GALNT13: variants seen among roughly 807,000 people sequenced by gnomAD.
GALNT13 encodes the protein polypeptide N-acetylgalactosaminyltransferase 13.
A neutral mutation model predicts 64.2 loss-of-function variants in GALNT13; 28 were observed. That is an observed-to-expected ratio of 0.44 (90% CI 0.32 to 0.60). The LOEUF (loss-of-function observed/expected upper bound fraction) is 0.60. Ranked by LOEUF, GALNT13 falls within the 20% of genes least tolerant of loss-of-function variation. GALNT13 has a pLI of 0.05. For missense variants in GALNT13, 577 were observed against 669.8 expected (o/e 0.86, Z 1.53); for synonymous variants, 214 against 224.6 (o/e 0.95, Z 0.42).
intron 4 of GALNT13, among the ~76,000 whole-genome samples, chr2:154,149,782 C>T (rs1335972843): frequency 2.6e-5 from 4 of 152,100 alleles, no homozygotes. Flanking sequence ...GATTTTGTAT[C>T]CTGAGACTTT....
chr2:153,188,767 G>GT, the GALNT13 span, among the ~76,000 whole-genome samples: 5 of 151,916 alleles, frequency 3.3e-5, no homozygotes, highest in African/African-American at 1.2e-4. Flanking sequence ...TGCAATATTT[G>GT]TTTTTTTCTA....
chr2:153,717,649 C>A, the GALNT13 span, among the ~76,000 whole-genome samples: 1 of 152,100 alleles, frequency 6.6e-6, no homozygotes, highest in Non-Finnish European at 1.5e-5. Context: ...TATTTTAATT[C>A]TTTCTAGACT....
intron 3 of GALNT13, among the ~76,000 whole-genome samples, chr2:154,000,352 TG>T (rs1296195654): frequency 6.6e-6 from 1 of 152,030 alleles, no homozygotes; most frequent in Non-Finnish European, 1.5e-5. Flanking sequence ...CTACTAATTT[TG>T]GGCGTACTTT....
chr2:153,494,473 G>T, the GALNT13 span, among the ~76,000 whole-genome samples: 1 of 151,908 alleles, frequency 6.6e-6, no homozygotes, highest in Non-Finnish European at 1.5e-5. Context: ...ATGACCAATT[G>T]ATTTTCAGCA....
chr2:153,971,385 A>G (rs962304776), intron 3 of GALNT13, among the ~76,000 whole-genome samples: 5 of 152,096 alleles, frequency 3.3e-5, no homozygotes, highest in African/African-American at 1.2e-4. Flanking sequence ...TCTCTGCCCA[A>G]TAACAATCCT....
At chr2:154,084,067 C>G (rs1045568865) in intron 3 of GALNT13, among the ~76,000 whole-genome samples, 2 of 151,834 alleles carry the variant, frequency 1.3e-5, no homozygotes, top group African/African-American at 4.8e-5. Context: ...AAATGTACTT[C>G]TCAATTTTTA....
At chr2:153,279,501 A>G in the GALNT13 span, among the ~76,000 whole-genome samples, 15 of 152,278 alleles carry the variant, frequency 9.9e-5, no homozygotes, top group Admixed American at 3.3e-4. Flanking sequence ...TGGGTTTGTC[A>G]TAGATGCTAC....
At chr2:153,177,000 G>A in the GALNT13 span, among the ~76,000 whole-genome samples, 1 of 152,122 alleles carries the variant, frequency 6.6e-6, no homozygotes, top group Non-Finnish European at 1.5e-5. Flanking sequence ...GAATTGCACA[G>A]GAAGTTTCTC....
the GALNT13 span, among the ~76,000 whole-genome samples, chr2:153,537,004 C>T: frequency 1.4e-4 from 21 of 152,242 alleles, no homozygotes; most frequent in Non-Finnish European, 2.6e-4. Context: ...GAAATCACTG[C>T]GAGAACTTCT....
the GALNT13 span, among the ~76,000 whole-genome samples, chr2:153,455,943 A>G: frequency 2.0e-5 from 3 of 152,210 alleles, no homozygotes; most frequent in Admixed American, 2.0e-4. Context: ...AGGGGAGCTG[A>G]GAATGGGACT....
intron 3 of GALNT13, among the ~76,000 whole-genome samples, chr2:154,115,866 G>C (rs1703268837): frequency 6.6e-6 from 1 of 152,066 alleles, no homozygotes; most frequent in African/African-American, 2.4e-5. Context: ...TCCCATGCTT[G>C]TTATCCAGAT....
chr2:154,394,035 G>T (rs1015328706), intron 9 of GALNT13, among the ~76,000 whole-genome samples: 2 of 111,008 alleles, frequency 1.8e-5, no homozygotes, highest in African/African-American at 7.0e-5. Context: ...CCGAGATTGC[G>T]CCACTGCACT....
chr2:153,710,157 TATGTG>T, the GALNT13 span, among the ~76,000 whole-genome samples: 1 of 152,136 alleles, frequency 6.6e-6, no homozygotes, highest in African/African-American at 2.4e-5. Flanking sequence ...AGATGATACG[TATGTG>T]AGGTGATAGA....
At chr2:153,705,124 G>A in the GALNT13 span, among the ~76,000 whole-genome samples, 2 of 152,126 alleles carry the variant, frequency 1.3e-5, no homozygotes, top group African/African-American at 4.8e-5. Context: ...TTGATTTGGT[G>A]CAGAAACTTG....
At chr2:153,120,481 C>T in the GALNT13 span, among the ~76,000 whole-genome samples, 1 of 152,060 alleles carries the variant, frequency 6.6e-6, no homozygotes, top group Non-Finnish European at 1.5e-5. Context: ...TACTTATGAC[C>T]CTCAGGCATT....
chr2:154,153,788 C>G (rs1023638955), intron 4 of GALNT13, among the ~76,000 whole-genome samples: 2 of 152,222 alleles, frequency 1.3e-5, no homozygotes, highest in African/African-American at 4.8e-5. Context: ...ATTGGAAAAG[C>G]GCAGTATTAG....
chr2:153,510,593 T>G, the GALNT13 span, among the ~76,000 whole-genome samples: 2 of 152,146 alleles, frequency 1.3e-5, no homozygotes, highest in Non-Finnish European at 2.9e-5. Flanking sequence ...TAGAATCACC[T>G]GGGAGTCATG....
the GALNT13 span, among the ~76,000 whole-genome samples, chr2:153,710,750 A>G: frequency 6.6e-6 from 1 of 152,080 alleles, no homozygotes; most frequent in Non-Finnish European, 1.5e-5. Flanking sequence ...TCAATAAAGT[A>G]ATTATCATAT....
intron 3 of GALNT13, among the ~76,000 whole-genome samples, chr2:154,105,992 A>G (rs1342346788): frequency 6.6e-6 from 1 of 152,166 alleles, no homozygotes; most frequent in Non-Finnish European, 1.5e-5. Flanking sequence ...AAGAGAAACT[A>G]AAGAGACTTA....
Sources: allele counts gnomAD v4.1 joint callset (sites outside exome capture counted in the v4.1 genomes callset), GRCh38; gene constraint gnomAD v4.1.1; transcripts MANE v1.5; gene names NCBI Gene and HGNC (gene_info 2026-07-23, HGNC 2026-07-21).